BEGAIN: variants seen among roughly 807,000 people sequenced by gnomAD.
BEGAIN encodes the protein brain enriched guanylate kinase associated.
In BEGAIN, 19 loss-of-function variants were observed where a neutral mutation model predicts 35.8. The observed-to-expected ratio is 0.53, with a 90% CI of 0.37 to 0.78. The LOEUF (loss-of-function observed/expected upper bound fraction) is 0.78, where lower values mean the gene tolerates loss of function less well. BEGAIN is among the 30% of genes least tolerant of loss of function. The pLI, the probability that BEGAIN is intolerant of heterozygous loss-of-function variation, is 0.00. For missense variants in BEGAIN, 795 were observed against 853.6 expected, an observed-to-expected ratio of 0.93 and a Z score of 0.85; for synonymous variants, 462 against 388.6, an observed-to-expected ratio of 1.19 and a Z score of -2.22.
Position 100,538,050 on chromosome 14 carries a change from G to A in BEGAIN, c.1758C>T (p.Ala586=), listed in dbSNP as rs2140417769. The A allele has an allele frequency of 5.6e-6, 9 of 1,606,496 alleles. No individual in the cohort carries two copies. The East Asian group carries it at 8.9e-5, about 16-fold the overall frequency. The change falls in exon 7 of 7, where the codon GCC becomes GCT. Residue 586 remains alanine (A), a synonymous_variant. Transcript: ENST00000554140. ...GCCCCGAGCCACCAGTCCGCGGAAA[G>A]GCCTGCTGGGGGCTGAGGCGGGCGG... ...HPAARLSPQQ[A]FPRTGGSGLS... is the part of the protein sequence containing the mutation.
chr14:100,574,300 C>T (rs2035155182), intron 1 of BEGAIN, among the ~76,000 whole-genome samples: 1 of 152,238 alleles, frequency 6.6e-6, no homozygotes, highest in South Asian at 2.1e-4. Context: ...ATGTCCTTCC[C>T]CTGGGGAATT....
chr14:100,571,266 C>G (rs2035073490), intron 1 of BEGAIN, among the ~76,000 whole-genome samples: 1 of 152,216 alleles, frequency 6.6e-6, no homozygotes, highest in South Asian at 2.1e-4. Context: ...GCCACTAGCC[C>G]CTGCTCTCTC....
At chr14:100,564,849 C>T (rs2034564736) in intron 2 of BEGAIN, among the ~76,000 whole-genome samples, 1 of 152,068 alleles carries the variant, frequency 6.6e-6, no homozygotes, top group Non-Finnish European at 1.5e-5. Flanking sequence ...GGGAGCCCCA[C>T]TGACCTCCAC....
In BEGAIN at chr14:100,538,573, A is replaced by G. The variant is rs754906889; in HGVS notation, c.1235T>C (p.Met412Thr). 7.8e-6 allele frequency: 12 copies of G among 1,545,858 alleles called. No individual in the cohort carries two copies. In the Admixed American group the frequency reaches 2.4e-4, roughly 31 times the overall value. ...CCGCAGGCTCCACAGGTTTGGGGGC[A>G]TCAGGGCCTGCTGGGGACCCGGAGA... The part of the protein sequence containing the change: ...PASPGPQQAL[M>T]PPNLWSLRAK... The change falls in exon 7 of 7, where the codon ATG (methionine) becomes ACG (threonine). Residue 412 changes from methionine (M) to threonine (T), a missense_variant. Physicochemically the swap from Met to Thr is moderately conservative, Grantham distance 81 (BLOSUM62 -1). Coordinates refer to ENST00000554140, the MANE Select transcript of BEGAIN (RefSeq NM_001385089.1).
intron 6 of BEGAIN, 124 bp from the exon 7 acceptor site, chr14:100,539,439 G>A (rs2031222951): frequency 2.8e-6 from 4 of 1,431,840 alleles, no homozygotes; most frequent in Non-Finnish European, 2.7e-6. Context: ...ACGAACGGGG[G>A]CCTCCCGGCT....
intron 1 of BEGAIN, among the ~76,000 whole-genome samples, chr14:100,582,808 T>TTTGGGTTGGCTTTTCTCCCACCAAA (rs1338786203): frequency 1.3e-4 from 20 of 152,112 alleles, no homozygotes; most frequent in Middle Eastern, 3.4e-3. Flanking sequence ...CAAATAGCTG[T>TTTGGGTTGGCTTTTCTCCCACCAAA]TAGTTTGGGT....
chr14:100,537,563 G>T lies in BEGAIN; in HGVS notation c.*406C>A, dbSNP rs1404834091. 1 of 174,268 alleles carries T rather than the reference G, an allele frequency of 5.7e-6. No homozygotes were observed. The highest frequency in any genetic ancestry group is 2.4e-5 in the African/African-American group (1 of 42,144). The allele number at this position is 174,268 out of a possible 1,614,324, so 10.8% of individuals were successfully genotyped here. A position where few individuals can be genotyped will look rare whatever the true frequency, so the allele number is the denominator to read the frequency against. ...CCGTCCTTCCCTTCCCTTCCAAGGGGCAGGCCCCACGCACCCTCGCCCAAA... is the reference window on the plus strand; with the variant it reads ...CCGTCCTTCCCTTCCCTTCCAAGGGTCAGGCCCCACGCACCCTCGCCCAAA... On this transcript the variant is annotated 3_prime_UTR_variant, in exon 7 of 7. Transcript: ENST00000554140.
chr14:100,540,641 C>G (rs150950953), intron 5 of BEGAIN, 62 bp from the exon 6 acceptor site: 1 of 1,348,766 alleles, frequency 7.4e-7, no homozygotes. Context: ...CCGCCCTGAC[C>G]AGCGCCAAGT....
At chr14:100,554,628 T>G (rs1205326811) in intron 2 of BEGAIN, among the ~76,000 whole-genome samples, 1 of 151,924 alleles carries the variant, frequency 6.6e-6, no homozygotes, top group East Asian at 1.9e-4. Context: ...GGTCAATTGC[T>G]GCCCCTCACT....
chr14:100,538,259 C>T lies in BEGAIN; in HGVS notation c.1549G>A (p.Asp517Asn), dbSNP rs1276491455. The T allele has an allele frequency of 2.6e-6, 4 of 1,563,072 alleles. No individual in the cohort carries two copies. Among genetic ancestry groups the T allele is most frequent in the East Asian group, 4.6e-5 (2 of 43,724 alleles). The change falls in exon 7 of 7, where the codon GAC becomes AAC. Residue 517 changes from aspartate (D) to asparagine (N), a missense_variant. Physicochemically the swap from Asp to Asn is conservative, Grantham distance 23. Coordinates refer to ENST00000554140, the MANE Select transcript of BEGAIN (RefSeq NM_001385089.1). The stretch of plus-strand genomic sequence containing the variant: ...GAGCGGCCGGGACTGAGGCTCAGGT[C>T]GCCGCCCGCCCGCAGGAAGCAGGGC... ...AEPCFLRAGG[D>N]LSLSPGRSAD...
chr14:100,564,572 A>G (rs1471032197), intron 2 of BEGAIN, among the ~76,000 whole-genome samples: 1 of 152,194 alleles, frequency 6.6e-6, no homozygotes, highest in Non-Finnish European at 1.5e-5. Context: ...TTTGAGAGTC[A>G]CAAGAATAGT....
At chr14:100,570,723 G>A (rs1344248970) in intron 1 of BEGAIN, among the ~76,000 whole-genome samples, 1 of 152,238 alleles carries the variant, frequency 6.6e-6, no homozygotes, top group Admixed American at 6.5e-5. Context: ...GAGGTGCTAC[G>A]CCCTCGGGGA....
chr14:100,537,874 G>A lies in BEGAIN; in HGVS notation c.*95C>T, dbSNP rs2030793289. ...AGACTCCTCGTTGTTGGCCGGGGCAGGGGAACAGCGGGGGCTGGGGAGAGG... is the reference window on the plus strand; with the variant it reads ...AGACTCCTCGTTGTTGGCCGGGGCAAGGGAACAGCGGGGGCTGGGGAGAGG... On this transcript the variant is annotated 3_prime_UTR_variant, in exon 7 of 7. Coordinates refer to ENST00000554140, the MANE Select transcript of BEGAIN (RefSeq NM_001385089.1). 3 of 1,459,048 alleles carry A rather than the reference G, an allele frequency of 2.1e-6. No individual in the cohort carries two copies. Among genetic ancestry groups the A allele is most frequent in the Non-Finnish European group, 2.7e-6 (3 of 1,102,954 alleles). The allele number at this position is 1,459,048 out of a possible 1,614,324, so 90.4% of individuals were successfully genotyped here.
At chr14:100,579,192 A>G (rs1431366241) in intron 1 of BEGAIN, among the ~76,000 whole-genome samples, 1 of 152,186 alleles carries the variant, frequency 6.6e-6, no homozygotes, top group Non-Finnish European at 1.5e-5. Flanking sequence ...TTGAAAGAAA[A>G]ATAACCTCTT....
intron 1 of BEGAIN, among the ~76,000 whole-genome samples, chr14:100,582,433 G>A (rs561830604): frequency 1.1e-4 from 17 of 152,284 alleles, no homozygotes; most frequent in South Asian, 4.1e-4. Context: ...GTGAGCCACC[G>A]CGCCCAGTCA....
In BEGAIN at chr14:100,538,943, C is replaced by T; in HGVS notation, c.865G>A (p.Glu289Lys). 6.2e-7 allele frequency: 1 copy of T among 1,608,840 alleles called. No homozygotes were observed. Among genetic ancestry groups the T allele is most frequent in the Non-Finnish European group, 8.5e-7 (1 of 1,178,108 alleles). ...QNSTDSAAEE[E>K]EEAEAAAFPA... is the part of the protein sequence containing the mutation. ...AAGGCCGCCGCCTCGGCCTCCTCCT[C>T]CTCCTCGGCCGCGCTGTCAGTGGAG... The change falls in exon 7 of 7, where the codon GAG becomes AAG. Residue 289 changes from glutamate (E) to lysine (K), a missense_variant. Glu to Lys is a moderately conservative substitution (Grantham distance 56). Coordinates refer to ENST00000554140, the MANE Select transcript of BEGAIN (RefSeq NM_001385089.1).
At chr14:100,577,232 G>A (rs1036243935) in intron 1 of BEGAIN, 17 of 398,332 alleles carry the variant, frequency 4.3e-5, no homozygotes, top group Middle Eastern at 6.2e-4. Context: ...GTGTGGGGAG[G>A]GAACTCGGAG....
At chr14:100,570,824 G>A (rs556227548) in intron 1 of BEGAIN, among the ~76,000 whole-genome samples, 103 of 152,298 alleles carry the variant, frequency 6.8e-4, no homozygotes, top group Admixed American at 1.5e-3. Flanking sequence ...GGTGATTTTC[G>A]TGAGACCCTT....
At chr14:100,582,967 A>G (rs567916688) in intron 1 of BEGAIN, among the ~76,000 whole-genome samples, 1 of 151,556 alleles carries the variant, frequency 6.6e-6, no homozygotes, top group African/African-American at 2.4e-5. Flanking sequence ...AAATCAAGGC[A>G]TGAGTGACCT....
Sources: allele counts gnomAD v4.1 joint callset (sites outside exome capture counted in the v4.1 genomes callset), GRCh38; gene constraint gnomAD v4.1.1; transcripts MANE v1.5; gene names NCBI Gene and HGNC (gene_info 2026-07-23, HGNC 2026-07-21).